Variants in FANCD2 observed in about 807,000 individuals in gnomAD.
FANCD2 encodes the protein FA complementation group D2, also known as Fanconi anemia group D2 protein.
Under a neutral mutation model 192.3 loss-of-function variants are expected in FANCD2, and 131 were observed. The observed-to-expected ratio is 0.68, with a 90% confidence interval of 0.59 to 0.79. FANCD2 has a LOEUF of 0.79. Ranked by LOEUF, FANCD2 falls within the 30% of genes least tolerant of loss-of-function variation. FANCD2 has a pLI of 0.00. For synonymous variants in FANCD2, 524 were observed against 612.5 expected, an observed-to-expected ratio of 0.86 and a Z score of 2.13; for missense variants, 1,508 against 1,701.6, an observed-to-expected ratio of 0.89 and a Z score of 2.00.
At chr3:10,057,964 G>T in intron 18 of FANCD2, 4 of 370,644 alleles carry the variant, frequency 1.1e-5, no homozygotes, top group South Asian at 9.0e-5. Flanking sequence ...ATAAGGCAGT[G>T]ACCAATTATT....
intron 23 of FANCD2, 134 bp from the exon 24 acceptor site, chr3:10,065,260 G>C (rs2125036131): frequency 1.4e-6 from 1 of 717,142 alleles, no homozygotes; most frequent in South Asian, 1.5e-5. Flanking sequence ...CTGCACTCCA[G>C]ACTGGGCGAC....
At chr3:10,060,235 A>C in intron 18 of FANCD2, 59 bp from the exon 19 acceptor site, 9 of 1,209,134 alleles carry the variant, frequency 7.4e-6, no homozygotes, top group Non-Finnish European at 1.1e-5. Context: ...CTCGATATCC[A>C]TACCTTCTTT....
chr3:10,045,047 T>A (rs1456437128), intron 14 of FANCD2, among the ~76,000 whole-genome samples: 1 of 152,134 alleles, frequency 6.6e-6, no homozygotes, highest in Admixed American at 6.5e-5. Flanking sequence ...TAGTAAAATT[T>A]TTTTTGTTTT....
chr3:10,094,509 C>T (rs1470191333), intron 40 of FANCD2, 146 bp downstream of exon 40: 1 of 765,848 alleles, frequency 1.3e-6, no homozygotes, highest in East Asian at 2.5e-5. Context: ...CCAAATTGGA[C>T]TGAATATTCC....
intron 29 of FANCD2, among the ~76,000 whole-genome samples, 155 bp from the exon 30 acceptor site, chr3:10,077,926 C>T (rs532746991): frequency 3.3e-5 from 5 of 151,388 alleles, no homozygotes; most frequent in Middle Eastern, 3.4e-3. Flanking sequence ...CCCCGCTACT[C>T]GGGAGGCTGA....
intron 39 of FANCD2, 50 bp from the exon 40 acceptor site, chr3:10,094,239 T>C: frequency 1.4e-6 from 2 of 1,453,828 alleles, no homozygotes; most frequent in Non-Finnish European, 1.9e-6. Context: ...CTCAGGGGCC[T>C]TTCAGTGAGA....
At chr3:10,094,082 G>A (rs1329182403) in intron 39 of FANCD2, among the ~76,000 whole-genome samples, 4 of 152,206 alleles carry the variant, frequency 2.6e-5, no homozygotes, top group Admixed American at 2.6e-4. Flanking sequence ...AGGTAAGTCT[G>A]CCTAATTCTG....
intron 42 of FANCD2, among the ~76,000 whole-genome samples, chr3:10,097,037 G>GCCCC (rs1368154245): frequency 6.6e-6 from 1 of 152,128 alleles, no homozygotes; most frequent in Non-Finnish European, 1.5e-5. Flanking sequence ...GATCCGTGAT[G>GCCCC]CCCCACAAGC....
chr3:10,095,878 A>ATTTTTTTTTTTTTTTTTTTTTTTTT (rs397950663), intron 41 of FANCD2, among the ~76,000 whole-genome samples: 1 of 125,774 alleles, frequency 8.0e-6, no homozygotes. Flanking sequence ...CTGAACAGTG[A>ATTTTTTTTTTTTTTTTTTTTTTTTT]TTTTTTTTTT....
At chr3:10,091,925 G>T (rs1184424176) in intron 37 of FANCD2, among the ~76,000 whole-genome samples, 2 of 152,188 alleles carry the variant, frequency 1.3e-5, no homozygotes, top group South Asian at 2.1e-4. Flanking sequence ...AGTATATGTT[G>T]CAAAGGCTTT....
intron 32 of FANCD2, among the ~76,000 whole-genome samples, chr3:10,082,467 T>G (rs762740358): frequency 7.2e-5 from 11 of 152,180 alleles, no homozygotes; most frequent in Non-Finnish European, 1.5e-4. Context: ...GATTTCTGAT[T>G]GCTCTTAGAT....
chr3:10,099,026 C>T lies in FANCD2; in HGVS notation c.4281+211C>T, dbSNP rs1042899328. On this transcript the variant is annotated intron_variant, in intron 43 of 43. Coordinates refer to ENST00000675286, the MANE Select transcript of FANCD2 (RefSeq NM_001018115.3). ...ATCTTAGAATCACTCCTGAGTATCT[C>T]GAGTTGTGGCATTTGTTATAGAGTT... The T allele has an allele frequency of 2.1e-5, 34 of 1,610,538 alleles. No individual in the cohort carries two copies. The Admixed American group carries it at 3.0e-4, about 14-fold the overall frequency.
At chr3:10,073,071 T>C (rs1332159783) in intron 27 of FANCD2, 90 bp downstream of exon 27, 5 of 872,002 alleles carry the variant, frequency 5.7e-6, no homozygotes, top group African/African-American at 1.7e-5. Flanking sequence ...CATCAGTAAT[T>C]GGAACAATTG....
At chr3:10,080,019 A>G (rs1380970272) in intron 30 of FANCD2, among the ~76,000 whole-genome samples, 1 of 150,836 alleles carries the variant, frequency 6.6e-6, no homozygotes, top group Non-Finnish European at 1.5e-5. Context: ...GGTTCAAGCG[A>G]TTCTCCTGCC....
Position 10,034,798 on chromosome 3 carries a change from G to T in FANCD2, c.377G>T (p.Ser126Ile). Residue 126 changes from serine to isoleucine, a missense_variant and splice_region_variant, in exon 5 of 44, where the codon AGT becomes ATT. By Grantham distance (142) the Ser-to-Ile change is moderately radical. Transcript: ENST00000675286. ...SCERLQDEEA[S>I]MGASYSKSLI... ...GAGCGTCTGCAGGATGAGGAAGCCAGGTGTGGAGAGGAGGCATGGAATCTT... is the reference window on the plus strand; with the variant it reads ...GAGCGTCTGCAGGATGAGGAAGCCATGTGTGGAGAGGAGGCATGGAATCTT... 6.4e-7 allele frequency: 1 copy of T among 1,550,808 alleles called. No homozygotes were observed. The highest frequency in any genetic ancestry group is 8.7e-7 in the Non-Finnish European group (1 of 1,145,032).
chr3:10,080,963 C>T (rs776200840), intron 30 of FANCD2, 137 bp from the exon 31 acceptor site: 3 of 900,818 alleles, frequency 3.3e-6, no homozygotes, highest in Non-Finnish European at 3.6e-6. Context: ...TGTCAGAATA[C>T]AGTCTTAGGT....
intron 17 of FANCD2, among the ~76,000 whole-genome samples, chr3:10,050,238 G>A (rs2087154849): frequency 6.6e-6 from 1 of 152,312 alleles, no homozygotes; most frequent in African/African-American, 2.4e-5. Context: ...GGGAGTGAGA[G>A]TAAGGGCCAG....
intron 32 of FANCD2, 61 bp downstream of exon 32, chr3:10,081,525 C>A: frequency 3.6e-6 from 4 of 1,110,208 alleles, no homozygotes; most frequent in South Asian, 1.2e-5. Flanking sequence ...TGACAGTCAC[C>A]AAGGCACTGA....
At chr3:10,067,473 A>G (rs1575798082) in intron 26 of FANCD2, among the ~76,000 whole-genome samples, 156 bp downstream of exon 26, 2 of 152,268 alleles carry the variant, frequency 1.3e-5, no homozygotes. Flanking sequence ...AATCCTAACA[A>G]AATACTAGCA....
Sources: allele counts gnomAD v4.1 joint callset (sites outside exome capture counted in the v4.1 genomes callset), GRCh38; gene constraint gnomAD v4.1.1; transcripts MANE v1.5; gene names NCBI Gene and HGNC (gene_info 2026-07-23, HGNC 2026-07-21).